ARHGAP25: variants seen among roughly 807,000 people sequenced by gnomAD.
ARHGAP25 encodes rho GTPase-activating protein 25.
In ARHGAP25, 34 loss-of-function variants were observed where a neutral mutation model predicts 71.0. That is an observed-to-expected ratio of 0.48 (90% CI 0.36 to 0.64). ARHGAP25 has a LOEUF of 0.64. ARHGAP25 is among the 30% of genes least tolerant of loss of function. ARHGAP25 has a pLI of 0.00. For missense variants in ARHGAP25, 706 were observed against 805.1 expected, an observed-to-expected ratio of 0.88 and a Z score of 1.49; for synonymous variants, 282 against 296.5, an observed-to-expected ratio of 0.95 and a Z score of 0.50.
intron 3 of ARHGAP25, among the ~76,000 whole-genome samples, chr2:68,783,430 A>G (rs113870556): frequency 1.6e-4 from 25 of 151,726 alleles, no homozygotes; most frequent in Admixed American, 3.3e-4. Context: ...AAGTTTCTAG[A>G]TGCTTGCTTG....
Position 68,775,375 on chromosome 2 carries a change from G to A in ARHGAP25, c.216G>A (p.Ala72=), listed in dbSNP as rs375946857. The change falls in exon 2 of 11, where the codon GCG becomes GCA. Residue 72 remains alanine (A), a synonymous_variant. Transcript: ENST00000409202. ...AGCAGAGGTACTTTGTGCTGAGGGCGCAGCAGCTCTACTACTACAAGGATG... is the reference window on the plus strand; with the variant it reads ...AGCAGAGGTACTTTGTGCTGAGGGCACAGCAGCTCTACTACTACAAGGATG... The part of the protein sequence containing the change: ...NWQQRYFVLR[A]QQLYYYKDEE... The A allele has an allele frequency of 2.7e-5, 43 of 1,614,094 alleles. No individual in the cohort carries two copies. The African/African-American group carries it at 3.5e-4, about 13-fold the overall frequency.
chr2:68,822,415 C>T lies in ARHGAP25; in HGVS notation c.1276C>T (p.Pro426Ser). The T allele has an allele frequency of 6.2e-7, 1 of 1,614,078 alleles. No individual in the cohort carries two copies. Among genetic ancestry groups the T allele is most frequent in the Non-Finnish European group, 8.5e-7 (1 of 1,180,008 alleles). The change falls in exon 10 of 11, where the codon CCC becomes TCC. Residue 426 changes from proline (P) to serine (S), a missense_variant. By Grantham distance (74) the Pro-to-Ser change is moderately conservative (BLOSUM62 -1). Coordinates refer to ENST00000409202, the MANE Select transcript of ARHGAP25 (RefSeq NM_001007231.3). ...DAFPEDSSKV[P>S]REKPGDWKMQ... is the part of the protein sequence containing the mutation. The stretch of plus-strand genomic sequence containing the variant: ...GTTTCCGGAGGACAGCAGCAAAGTA[C>T]CCAGGGAAAAGCCAGGAGACTGGAA...
chr2:68,766,603 C>T (rs1298172219), intron 1 of ARHGAP25, among the ~76,000 whole-genome samples: 1 of 152,172 alleles, frequency 6.6e-6, no homozygotes, highest in Admixed American at 6.5e-5. Flanking sequence ...CTAGGTGAAA[C>T]AAATTTGCTG....
chr2:68,710,887 C>A lies in ARHGAP25; in HGVS notation c.-18+189C>A, dbSNP rs372063323. Among the ~76,000 whole-genome samples the A allele has an allele frequency of 7.9e-5, 12 of 152,206 alleles. No homozygotes were observed. In the South Asian group the frequency reaches 1.2e-3, roughly 16 times the overall value. ...TGGCTTCAACTCTCTAATAAATGGGCCTATGGAAAGTGAAAACCAAGATCT... is the reference window on the plus strand; with the variant it reads ...TGGCTTCAACTCTCTAATAAATGGGACTATGGAAAGTGAAAACCAAGATCT... On this transcript the variant is annotated intron_variant and NMD_transcript_variant, in intron 2 of 7. Transcript: ENST00000463483.
At chr2:68,752,090 T>C (rs981849604) in intron 1 of ARHGAP25, among the ~76,000 whole-genome samples, 18 of 152,234 alleles carry the variant, frequency 1.2e-4, no homozygotes, top group African/African-American at 4.1e-4. Context: ...TCACTTATTG[T>C]GTTGGGGCAG....
In ARHGAP25 at chr2:68,810,731, C is replaced by CTTTTTTTTTTTTTTTTTTTTTTTTTTTTT. The variant is rs539849992; in HGVS notation, c.675-2535_675-2534insTTTTTTTTTTTTTTTTTTTTTTTTTTTTT. Among the ~76,000 whole-genome samples the CTTTTTTTTTTTTTTTTTTTTTTTTTTTTT allele has an allele frequency of 5.4e-5, 4 of 74,354 alleles. 1 individual carries two copies. The highest frequency in any genetic ancestry group is 1.5e-4 in the Admixed American group (1 of 6,586). 48.8% of individuals were successfully genotyped at this position (74,354 alleles called of 152,430 possible). A position where few individuals can be genotyped will look rare whatever the true frequency, so the allele number is the denominator to read the frequency against. ...GATCCAATTTCTTTTCTTTTCTTCT[C>CTTTTTTTTTTTTTTTTTTTTTTTTTTTTT]TTTTTTTTTTTTTTTTTTTTTGAGA... is the stretch of plus-strand genomic sequence containing the variant. On this transcript the variant is annotated intron_variant, in intron 5 of 10. Transcript: ENST00000409202.
intron 2 of ARHGAP25, among the ~76,000 whole-genome samples, chr2:68,715,004 C>G (rs748051767): frequency 8.5e-5 from 13 of 152,208 alleles, no homozygotes; most frequent in Admixed American, 5.9e-4. Flanking sequence ...CTGCTTTTAG[C>G]TCTTCTGGTG....
chr2:68,775,464 G>A lies in ARHGAP25; in HGVS notation c.261+44G>A, dbSNP rs1482583317. 2.5e-6 allele frequency: 4 copies of A among 1,612,648 alleles called. No homozygotes were observed. The East Asian group carries it at 6.7e-5, about 27-fold the overall frequency. On this transcript the variant is annotated intron_variant, in intron 2 of 10. Coordinates refer to ENST00000409202, the MANE Select transcript of ARHGAP25 (RefSeq NM_001007231.3). ...GTCCCGTTCATAAGGCACGGAGGAG[G>A]CGGGCCTGGAGCCCGCTGGGATTTC...
chr2:68,739,458 G>T (rs1668724259), intron 1 of ARHGAP25, among the ~76,000 whole-genome samples: 1 of 152,202 alleles, frequency 6.6e-6, no homozygotes, highest in Non-Finnish European at 1.5e-5. Flanking sequence ...GCTGGAATGT[G>T]ATCCTTTTGA....
At chr2:68,736,797 C>A (rs1015039388) in intron 1 of ARHGAP25, among the ~76,000 whole-genome samples, 3 of 152,080 alleles carry the variant, frequency 2.0e-5, no homozygotes, top group South Asian at 2.1e-4. Context: ...ACCATCCTTA[C>A]AAAATCAGAA....
intron 2 of ARHGAP25, among the ~76,000 whole-genome samples, chr2:68,776,107 A>C (rs1677887772): frequency 6.7e-6 from 1 of 149,162 alleles, no homozygotes; most frequent in East Asian, 2.0e-4. Context: ...AGAGTGTTCC[A>C]GGCAGAGAGA....
At chr2:68,711,595 G>A (rs1031299102) in intron 2 of ARHGAP25, among the ~76,000 whole-genome samples, 7 of 152,062 alleles carry the variant, frequency 4.6e-5, no homozygotes, top group African/African-American at 1.7e-4. Context: ...AGGTATACAT[G>A]TGTCATGGTG....
chr2:68,741,180 G>A (rs1481139982), intron 1 of ARHGAP25, among the ~76,000 whole-genome samples: 1 of 152,184 alleles, frequency 6.6e-6, no homozygotes, highest in African/African-American at 2.4e-5. Flanking sequence ...GGCTCACTGA[G>A]TTGTCTTTTA....
At chr2:68,799,753 A>G (rs1017174149) in intron 4 of ARHGAP25, among the ~76,000 whole-genome samples, 1 of 152,114 alleles carries the variant, frequency 6.6e-6, no homozygotes, top group Non-Finnish European at 1.5e-5. Context: ...TGGGGGAAGA[A>G]GGGCCGGGAG....
Position 68,785,763 on chromosome 2 carries a change from G to A in ARHGAP25, c.350-2077G>A, listed in dbSNP as rs867988880. Among the ~76,000 whole-genome samples, 32 of 152,202 alleles carry A rather than the reference G, an allele frequency of 2.1e-4. No homozygotes were observed. In the East Asian group the frequency reaches 4.4e-3, roughly 21 times the overall value. On this transcript the variant is annotated intron_variant, in intron 3 of 10. Transcript: ENST00000409202. ...CATTTGAGTTGGGTTTTAAAGAATG[G>A]GTAGGAGTTCTTTAGGCAGATTAAG...
At chr2:68,803,899 A>T (rs1229677777) in intron 4 of ARHGAP25, among the ~76,000 whole-genome samples, 2 of 152,090 alleles carry the variant, frequency 1.3e-5, no homozygotes, top group East Asian at 3.8e-4. Context: ...GAGTGGCAAA[A>T]ATTTGGAACC....
intron 10 of ARHGAP25, among the ~76,000 whole-genome samples, chr2:68,825,665 C>T (rs1332680519): frequency 1.3e-5 from 2 of 152,000 alleles, no homozygotes; most frequent in South Asian, 2.1e-4. Context: ...GTCCCAGCTA[C>T]TAGGGAGGCT....
At chr2:68,739,288 A>T (rs547200230) in intron 1 of ARHGAP25, among the ~76,000 whole-genome samples, 3 of 152,316 alleles carry the variant, frequency 2.0e-5, no homozygotes, top group Admixed American at 2.0e-4. Flanking sequence ...TGTGTCTGAA[A>T]CTAGGCCAGG....
At chr2:68,729,829 A>C (rs1318387631), upstream of ARHGAP25, among the ~76,000 whole-genome samples, 1 of 152,268 alleles carries the variant, frequency 6.6e-6, no homozygotes, top group African/African-American at 2.4e-5. Context: ...ATTTGAGAGC[A>C]CATAGCAAAC....
Sources: gnomAD v4.1 joint callset for allele counts (sites outside exome capture counted in the v4.1 genomes callset) on GRCh38, gnomAD v4.1.1 for gene constraint, MANE v1.5 for transcripts, NCBI Gene and HGNC (gene_info 2026-07-23, HGNC 2026-07-21) for gene names.